The following DCT variants were observed in gnomAD, a reference collection of about 807,000 sequenced individuals.
The protein encoded by DCT is dopachrome tautomerase.
DCT carries 47 observed loss-of-function variants against 53.0 expected under a neutral mutation model. The ratio of observed to expected loss-of-function variants is 0.89; its 90% CI spans 0.70 to 1.13. The LOEUF (loss-of-function observed/expected upper bound fraction) is 1.13, where lower values mean the gene tolerates loss of function less well. DCT is among the 50% of genes most tolerant of loss of function. The probability of loss-of-function intolerance (pLI) is 0.00; values close to 1 mark genes in which losing one functional copy is unlikely to be tolerated. For missense variants in DCT, 669 were observed against 637.4 expected, an observed-to-expected ratio of 1.05 and a Z score of -0.53; for synonymous variants, 244 against 237.0, an observed-to-expected ratio of 1.03 and a Z score of -0.27.
At chr13:94,460,394 C>A (rs1415259876) in intron 5 of DCT, among the ~76,000 whole-genome samples, 168 bp from the exon 6 acceptor site, 1 of 152,102 alleles carries the variant, frequency 6.6e-6, no homozygotes, top group Non-Finnish European at 1.5e-5. Flanking sequence ...AATGATAATC[C>A]TCTGTAAGGG....
the DCT span, among the ~76,000 whole-genome samples, chr13:94,534,720 A>T: frequency 6.6e-6 from 1 of 152,242 alleles, no homozygotes; most frequent in African/African-American, 2.4e-5. Context: ...GAGATCTTCA[A>T]AGAGCAATCT....
At chr13:94,545,136 C>T in the DCT span, among the ~76,000 whole-genome samples, 6 of 152,006 alleles carry the variant, frequency 3.9e-5, no homozygotes, top group Non-Finnish European at 5.9e-5. Context: ...CCTTCACTCC[C>T]GGGAAGTGAC....
chr13:94,457,792 G>A (rs1335736394), intron 6 of DCT, among the ~76,000 whole-genome samples: 3 of 152,136 alleles, frequency 2.0e-5, no homozygotes, highest in Non-Finnish European at 4.4e-5. Context: ...CTGTAAAGCA[G>A]GAGCACTTTT....
intron 6 of DCT, among the ~76,000 whole-genome samples, chr13:94,454,666 A>T (rs569203108): frequency 3.3e-5 from 5 of 152,312 alleles, no homozygotes; most frequent in African/African-American, 4.8e-5. Context: ...CACAAAAAAA[A>T]TTTTAATAAA....
intron 6 of DCT, among the ~76,000 whole-genome samples, chr13:94,454,329 C>T (rs561254431): frequency 1.3e-3 from 200 of 152,312 alleles, no homozygotes; most frequent in Non-Finnish European, 2.2e-3. Flanking sequence ...TCCAAGTATA[C>T]TCTTAAGAAT....
At chr13:94,489,863 C>T in the DCT span, among the ~76,000 whole-genome samples, 1 of 152,146 alleles carries the variant, frequency 6.6e-6, no homozygotes, top group African/African-American at 2.4e-5. Flanking sequence ...TTATAACTCA[C>T]ACATAGAAGA....
chr13:94,533,986 G>C, the DCT span, among the ~76,000 whole-genome samples: 1 of 151,986 alleles, frequency 6.6e-6, no homozygotes, highest in Non-Finnish European at 1.5e-5. Context: ...TTGAGTGTAG[G>C]TTGACTGACC....
At chr13:94,542,929 A>G in the DCT span, among the ~76,000 whole-genome samples, 20 of 152,178 alleles carry the variant, frequency 1.3e-4, no homozygotes, top group African/African-American at 4.6e-4. Context: ...GAAAACAGCA[A>G]TTTTGTCACA....
the DCT span, among the ~76,000 whole-genome samples, chr13:94,539,328 T>C: frequency 6.6e-6 from 1 of 152,130 alleles, no homozygotes; most frequent in Non-Finnish European, 1.5e-5. Context: ...AGGAAAAACC[T>C]GAGAGAACTT....
chr13:94,476,395 T>A (rs1030350811), intron 1 of DCT, among the ~76,000 whole-genome samples: 4 of 151,598 alleles, frequency 2.6e-5, no homozygotes, highest in African/African-American at 9.7e-5. Flanking sequence ...TGGTTATATG[T>A]GACTTCCTAA....
intron 1 of DCT, among the ~76,000 whole-genome samples, chr13:94,473,341 G>C (rs1220911195): frequency 6.6e-6 from 1 of 152,162 alleles, no homozygotes; most frequent in Non-Finnish European, 1.5e-5. Context: ...CCCAACTGTA[G>C]GCTAATGTTA....
chr13:94,468,043 T>C (rs574445042), intron 2 of DCT: 3 of 152,380 alleles, frequency 2.0e-5, no homozygotes, highest in African/African-American at 7.2e-5. Flanking sequence ...AGCCCCCAAT[T>C]TTTAAGACTT....
chr13:94,463,390 C>G (rs957816801), intron 4 of DCT, among the ~76,000 whole-genome samples: 4 of 151,974 alleles, frequency 2.6e-5, no homozygotes, highest in African/African-American at 9.7e-5. Flanking sequence ...ATTCTCCTAC[C>G]TCAGCCTCCT....
chr13:94,462,674 T>C (rs1408520999), intron 4 of DCT, among the ~76,000 whole-genome samples: 3 of 152,194 alleles, frequency 2.0e-5, no homozygotes, highest in Admixed American at 2.0e-4. Context: ...AAAGTCATTA[T>C]GGGTCGAGAA....
the DCT span, among the ~76,000 whole-genome samples, chr13:94,524,908 A>G: frequency 6.6e-6 from 1 of 152,118 alleles, no homozygotes; most frequent in Non-Finnish European, 1.5e-5. Flanking sequence ...GGAAATTTGG[A>G]TACGTATATG....
the DCT span, among the ~76,000 whole-genome samples, chr13:94,538,310 C>T: frequency 6.6e-6 from 1 of 152,070 alleles, no homozygotes; most frequent in East Asian, 1.9e-4. Flanking sequence ...TTTTATTTTT[C>T]TCCATTTTAC....
the DCT span, among the ~76,000 whole-genome samples, chr13:94,524,491 A>C: frequency 6.6e-6 from 1 of 152,094 alleles, no homozygotes; most frequent in South Asian, 2.1e-4. Flanking sequence ...TGGCCTGGAG[A>C]CCCTTTAGAT....
the DCT span, among the ~76,000 whole-genome samples, chr13:94,501,347 T>C: frequency 6.6e-6 from 1 of 152,182 alleles, no homozygotes; most frequent in African/African-American, 2.4e-5. Flanking sequence ...TTTATTTTCA[T>C]TGTTTATAAA....
the DCT span, among the ~76,000 whole-genome samples, chr13:94,507,628 G>C: frequency 0.012 from 1,831 of 151,746 alleles, 41 homozygotes; most frequent in African/African-American, 0.041. Context: ...AGCCTCCCAA[G>C]TAGCTGGGAC....
Sources: gnomAD v4.1 joint callset for allele counts (sites outside exome capture counted in the v4.1 genomes callset) on GRCh38, gnomAD v4.1.1 for gene constraint, MANE v1.5 for transcripts, NCBI Gene and HGNC (gene_info 2026-07-23, HGNC 2026-07-21) for gene names.